Variants in BTBD9 observed in about 807,000 individuals in gnomAD.
The protein encoded by BTBD9 is BTB domain containing 9.
BTBD9 carries 49 observed loss-of-function variants against 64.3 expected under a neutral mutation model. The ratio of observed to expected loss-of-function variants is 0.76; its 90% CI spans 0.61 to 0.97. The LOEUF (loss-of-function observed/expected upper bound fraction) is 0.97, where lower values mean the gene tolerates loss of function less well. Among genes scored for constraint, BTBD9 ranks in the 50% least tolerant of loss-of-function variants. The probability of loss-of-function intolerance (pLI) is 0.00; values close to 1 mark genes in which losing one functional copy is unlikely to be tolerated. For missense variants in BTBD9, 598 were observed against 762.1 expected (o/e 0.78, Z 2.53); for synonymous variants, 260 against 274.7 (o/e 0.95, Z 0.53).
chr6:38,499,330 T>C (rs1772094219), intron 6 of BTBD9, among the ~76,000 whole-genome samples: 1 of 152,166 alleles, frequency 6.6e-6, no homozygotes, highest in East Asian at 1.9e-4. Flanking sequence ...ATTTTTAAAA[T>C]CTCCTCATTG....
At chr6:38,267,713 G>A (rs1018025015) in intron 8 of BTBD9, among the ~76,000 whole-genome samples, 1 of 152,258 alleles carries the variant, frequency 6.6e-6, no homozygotes, top group African/African-American at 2.4e-5. Flanking sequence ...GCCAAGGTGG[G>A]TGGATCACGA....
chr6:38,629,393 C>G (rs1778284778), intron 1 of BTBD9, among the ~76,000 whole-genome samples: 1 of 152,090 alleles, frequency 6.6e-6, no homozygotes, highest in African/African-American at 2.4e-5. Flanking sequence ...TTAACATCAC[C>G]AATAATAGAA....
chr6:38,266,557 G>A (rs1000124115), intron 8 of BTBD9, among the ~76,000 whole-genome samples: 1 of 148,404 alleles, frequency 6.7e-6, no homozygotes, highest in Admixed American at 6.9e-5. Context: ...TGGGCGACAA[G>A]AGCAAAACTC....
chr6:38,573,651 A>T (rs1295050783), intron 6 of BTBD9, among the ~76,000 whole-genome samples: 6 of 152,104 alleles, frequency 3.9e-5, no homozygotes, highest in Admixed American at 3.9e-4. Context: ...CCAAGATCCC[A>T]CTTGCAATTC....
chr6:38,333,647 G>GT (rs749627761), intron 7 of BTBD9, among the ~76,000 whole-genome samples: 1 of 152,180 alleles, frequency 6.6e-6, no homozygotes, highest in Non-Finnish European at 1.5e-5. Context: ...ATAAGTGCCT[G>GT]TTTTCCCTTC....
In BTBD9 at chr6:38,228,829, G is replaced by A. The variant is rs6912633; in HGVS notation, c.1562+27580C>T. The stretch of plus-strand genomic sequence containing the variant: ...GTGGAGGTTGTAGTGAGCTGAGATC[G>A]TGCCACTGTACTCCAGCCCAGCGGC... On this transcript the variant is annotated intron_variant, in intron 9 of 10. Coordinates refer to ENST00000481247, the MANE Select transcript of BTBD9 (RefSeq NM_001099272.2). 9.7e-3 allele frequency among the ~76,000 whole-genome samples: 1,465 copies of A among 150,326 alleles called. 28 individuals are homozygous for A. Among genetic ancestry groups the A allele is most frequent in the African/African-American group, 0.034 (1,386 of 40,778 alleles).
At chr6:38,589,124 T>G (rs1437012868) in intron 4 of BTBD9, among the ~76,000 whole-genome samples, 1 of 152,198 alleles carries the variant, frequency 6.6e-6, no homozygotes, top group Admixed American at 6.5e-5. Context: ...GTCTCTTCCT[T>G]GAGCTCCCCC....
intron 6 of BTBD9, among the ~76,000 whole-genome samples, chr6:38,527,230 C>T (rs574562432): frequency 2.4e-5 from 3 of 124,336 alleles, no homozygotes; most frequent in East Asian, 4.8e-4. Context: ...GAGCCAAGAT[C>T]GCACCACTGC....
chr6:38,245,387 A>G (rs1764149099), intron 9 of BTBD9, among the ~76,000 whole-genome samples: 1 of 152,156 alleles, frequency 6.6e-6, no homozygotes, highest in African/African-American at 2.4e-5. Context: ...GTGGTTAATG[A>G]GACAAAGGGC....
intron 9 of BTBD9, among the ~76,000 whole-genome samples, chr6:38,200,919 C>A (rs1762441315): frequency 6.6e-6 from 1 of 152,088 alleles, no homozygotes. Context: ...ACTTGGGAGG[C>A]TGAGGCAGGA....
At chr6:38,484,653 T>C (rs1771316052) in intron 6 of BTBD9, among the ~76,000 whole-genome samples, 1 of 152,206 alleles carries the variant, frequency 6.6e-6, no homozygotes, top group Non-Finnish European at 1.5e-5. Flanking sequence ...CACAAATCTT[T>C]TGGTTTCTCA....
chr6:38,198,977 T>C (rs777743516), intron 9 of BTBD9, among the ~76,000 whole-genome samples: 3 of 152,164 alleles, frequency 2.0e-5, no homozygotes, highest in Non-Finnish European at 4.4e-5. Flanking sequence ...AGTCACCAGC[T>C]ACCTTTGAAG....
intron 7 of BTBD9, among the ~76,000 whole-genome samples, chr6:38,337,159 C>T (rs1010695526): frequency 6.6e-6 from 1 of 152,192 alleles, no homozygotes; most frequent in African/African-American, 2.4e-5. Flanking sequence ...CATTCTAACA[C>T]CTTCATCTGC....
chr6:38,467,719 C>T (rs1315034700), intron 6 of BTBD9, among the ~76,000 whole-genome samples: 1 of 152,150 alleles, frequency 6.6e-6, no homozygotes, highest in Non-Finnish European at 1.5e-5. Context: ...GCTTTTTCCT[C>T]CTTCCTCTTG....
At chr6:38,471,115 G>C (rs1770629796) in intron 6 of BTBD9, among the ~76,000 whole-genome samples, 2 of 152,050 alleles carry the variant, frequency 1.3e-5, no homozygotes. Flanking sequence ...AGAACCAATG[G>C]CCTTAATTTT....
At chr6:38,639,201 C>T (rs1179331140) in intron 1 of BTBD9, among the ~76,000 whole-genome samples, 4 of 152,218 alleles carry the variant, frequency 2.6e-5, no homozygotes, top group Admixed American at 2.0e-4. Flanking sequence ...TGTACTAAAA[C>T]GCCAAGGAAA....
chr6:38,423,362 T>C (rs950614966), intron 6 of BTBD9, among the ~76,000 whole-genome samples: 7 of 152,108 alleles, frequency 4.6e-5, no homozygotes, highest in African/African-American at 1.4e-4. Context: ...TGGAGTACAG[T>C]GGCACGATCT....
chr6:38,387,109 C>T (rs1240363395), intron 6 of BTBD9, among the ~76,000 whole-genome samples: 4 of 152,206 alleles, frequency 2.6e-5, no homozygotes, highest in Non-Finnish European at 5.9e-5. Flanking sequence ...TAAGAATTTA[C>T]TCTTGGACAT....
At chr6:38,230,361 G>A (rs1166110743) in intron 9 of BTBD9, among the ~76,000 whole-genome samples, 2 of 152,028 alleles carry the variant, frequency 1.3e-5, no homozygotes, top group African/African-American at 4.8e-5. Context: ...TGGGCATGGT[G>A]GCAGGTTCCT....
Sources: allele counts gnomAD v4.1 joint callset (sites outside exome capture counted in the v4.1 genomes callset), GRCh38; gene constraint gnomAD v4.1.1; transcripts MANE v1.5; gene names NCBI Gene and HGNC (gene_info 2026-07-23, HGNC 2026-07-21).